Variants in IGSF3 observed in about 807,000 individuals in gnomAD.
The protein encoded by IGSF3 is glu-Trp-Ile EWI motif-containing protein 3.
Under a neutral mutation model 114.4 loss-of-function variants are expected in IGSF3, and 23 were observed. That is an observed-to-expected ratio of 0.20 (90% CI 0.14 to 0.28). IGSF3 has a LOEUF of 0.28. Ranked by LOEUF, IGSF3 falls within the 10% of genes least tolerant of loss-of-function variation. The pLI, the probability that IGSF3 is intolerant of heterozygous loss-of-function variation, is 1.00. For synonymous variants in IGSF3, 571 were observed against 645.2 expected, an observed-to-expected ratio of 0.88 and a Z score of 1.74; for missense variants, 1,172 against 1,591.5, an observed-to-expected ratio of 0.74 and a Z score of 4.48.
At chr1:116,623,214 T>A (rs1661474260) in intron 2 of IGSF3, among the ~76,000 whole-genome samples, 1 of 152,174 alleles carries the variant, frequency 6.6e-6, no homozygotes, top group Non-Finnish European at 1.5e-5. Context: ...ACCTTTCCAA[T>A]AAGGACAGCC....
In IGSF3 at chr1:116,650,467, C is replaced by T. The variant is rs948783268; in HGVS notation, c.43+15817G>A. On this transcript the variant is annotated intron_variant, in intron 2 of 10. Transcript: ENST00000369486. The surrounding 1 kb of genome is among the most constrained non-coding windows in gnomAD (Gnocchi z 5.0). Reference sequence around the variant, plus strand: ...CCTCAGTGGCCAAAACCATGTCACACGCCCATGTCTAAATTACGGGCCTCC... The same window carrying T: ...CCTCAGTGGCCAAAACCATGTCACATGCCCATGTCTAAATTACGGGCCTCC... Among the ~76,000 whole-genome samples, 7 of 152,214 alleles carry T rather than the reference C, an allele frequency of 4.6e-5. No individual in the cohort carries two copies. Among genetic ancestry groups the T allele is most frequent in the African/African-American group, 1.7e-4 (7 of 41,446 alleles).
intron 2 of IGSF3, among the ~76,000 whole-genome samples, chr1:116,631,155 A>G (rs1024465852): frequency 1.3e-5 from 2 of 151,674 alleles, no homozygotes; most frequent in African/African-American, 4.8e-5. Flanking sequence ...CGTCTCTACT[A>G]AAAATACAAA....
intron 6 of IGSF3, among the ~76,000 whole-genome samples, chr1:116,602,673 C>T (rs1048238053): frequency 2.6e-5 from 4 of 152,200 alleles, no homozygotes; most frequent in Non-Finnish European, 4.4e-5. Context: ...AAAGCACCAC[C>T]ATCCCAACCT....
At position 116,577,310 on chromosome 1, in the gene IGSF3, G is replaced by A. The variant is rs757425283; in HGVS notation, c.*2C>T. 54 of 1,613,350 alleles carry A rather than the reference G, an allele frequency of 3.3e-5. 1 individual carries two copies. The East Asian group carries it at 6.7e-4, about 20-fold the overall frequency. On this transcript the variant is annotated 3_prime_UTR_variant, in exon 11 of 11. Coordinates refer to ENST00000369486, the MANE Select transcript of IGSF3 (RefSeq NM_001007237.3). The surrounding 1 kb of genome is among the most constrained non-coding windows in gnomAD (Gnocchi z 5.7). ...GCCAACATCCGCTGGGGCATCACCC[G>A]CTTAGTCTATGGCCCCTGGATGGAT...
rs922078777 is a variant in IGSF3, at chr1:116,648,431, G to A, written c.43+17853C>T. Among the ~76,000 whole-genome samples the A allele has an allele frequency of 2.6e-5, 4 of 152,072 alleles. No individual in the cohort carries two copies. Among genetic ancestry groups the A allele is most frequent in the Admixed American group, 6.5e-5 (1 of 15,274 alleles). ...GGTGCCTCTCAAATGCCTTTCCCAC[G>A]TGTCTAACTCTGCTTTGTTTAAAGC... On this transcript the variant is annotated intron_variant, in intron 2 of 10. Transcript: ENST00000369486. The surrounding 1 kb of genome is among the most constrained non-coding windows in gnomAD (Gnocchi z 4.7).
intron 2 of IGSF3, among the ~76,000 whole-genome samples, chr1:116,626,252 T>C (rs1647260460): frequency 6.7e-6 from 1 of 149,422 alleles, no homozygotes. Flanking sequence ...TCTCCAGACT[T>C]AAAAAAAAAA....
In IGSF3 at chr1:116,615,504, C is replaced by T. The variant is rs1189746365; in HGVS notation, c.421+576G>A. ...CCTTTGACACTGGCAAACACTATGA[C>T]CAGTGCTGCCCACAATGGAAGCTCC... On this transcript the variant is annotated intron_variant, in intron 3 of 10. Transcript: ENST00000369486. The surrounding 1 kb of genome is among the most constrained non-coding windows in gnomAD (Gnocchi z 4.3). Among the ~76,000 whole-genome samples, 1 of 151,942 alleles carries T rather than the reference C, an allele frequency of 6.6e-6. No individual in the cohort carries two copies. Among genetic ancestry groups the T allele is most frequent in the Non-Finnish European group, 1.5e-5 (1 of 67,906 alleles).
chr1:116,619,748 A>C (rs1367099999), intron 2 of IGSF3, among the ~76,000 whole-genome samples: 3 of 151,910 alleles, frequency 2.0e-5, no homozygotes, highest in Non-Finnish European at 4.4e-5. Flanking sequence ...CCTACAATAG[A>C]AAGTTCCTCC....
In IGSF3 at chr1:116,588,151, G is replaced by A. The variant is rs1393848450; in HGVS notation, c.2440+543C>T. Among the ~76,000 whole-genome samples, 1 of 152,176 alleles carries A rather than the reference G, an allele frequency of 6.6e-6. No homozygotes were observed. Among genetic ancestry groups the A allele is most frequent in the African/African-American group, 2.4e-5 (1 of 41,432 alleles). ...CTGGAAGCATTCTGGCAGAGGTTGA[G>A]TGCCACCTGTGAGGGAGAGGAATAA... On this transcript the variant is annotated intron_variant, in intron 8 of 10. Coordinates refer to ENST00000369486, the MANE Select transcript of IGSF3 (RefSeq NM_001007237.3). The surrounding 1 kb of genome is among the most constrained non-coding windows in gnomAD (Gnocchi z 4.9).
chr1:116,598,675 G>C lies in IGSF3; in HGVS notation c.2029+1266C>G, dbSNP rs1260153475. Among the ~76,000 whole-genome samples, 17 of 152,178 alleles carry C rather than the reference G, an allele frequency of 1.1e-4. No individual in the cohort carries two copies. The highest frequency in any genetic ancestry group is 1.1e-3 in the Admixed American group (17 of 15,284). On this transcript the variant is annotated intron_variant, in intron 7 of 10. Coordinates refer to ENST00000369486, the MANE Select transcript of IGSF3 (RefSeq NM_001007237.3). This position sits in a 1 kb window ranked among gnomAD's most constrained non-coding sequence, Gnocchi z 4.3. Reference sequence around the variant, plus strand: ...GTGGGCAGAAAAATCCCTTTGGCAAGGCGTTCCAGCCATCTTTGCAAAGTC... The same window carrying C: ...GTGGGCAGAAAAATCCCTTTGGCAACGCGTTCCAGCCATCTTTGCAAAGTC...
At chr1:116,597,489 G>T (rs146712935) in intron 7 of IGSF3, among the ~76,000 whole-genome samples, 4 of 152,112 alleles carry the variant, frequency 2.6e-5, no homozygotes, top group African/African-American at 9.7e-5. Context: ...AGTCCTGCAC[G>T]GCCTCAAGCA....
At chr1:116,635,721 G>A (rs1647796511) in intron 2 of IGSF3, among the ~76,000 whole-genome samples, 2 of 152,222 alleles carry the variant, frequency 1.3e-5, no homozygotes, top group Admixed American at 6.5e-5. Flanking sequence ...AGAATCAAAT[G>A]AACAACATCT....
intron 5 of IGSF3, 122 bp from the exon 6 acceptor site, chr1:116,604,147 G>T (rs1313244456): frequency 1.1e-6 from 1 of 898,016 alleles, no homozygotes; most frequent in South Asian, 1.8e-5. Flanking sequence ...GCCTCAGAGG[G>T]TCAAAAACAC....
Position 116,579,404 on chromosome 1 carries a change from C to T in IGSF3, c.3322G>A (p.Val1108Ile), listed in dbSNP as rs979490438. 40 of 1,570,968 alleles carry T rather than the reference C, an allele frequency of 2.5e-5. No homozygotes were observed. The highest frequency in any genetic ancestry group is 3.3e-5 in the Non-Finnish European group (38 of 1,157,336). Residue 1108 changes from valine to isoleucine, a missense_variant, in exon 10 of 11, where the codon GTT becomes ATT. Physicochemically the swap from Val to Ile is conservative, Grantham distance 29 (BLOSUM62 3). Around this residue, in one of 3 missense-constraint regions of IGSF3, gnomAD observed 423 missense variants for 509.8 expected, o/e 0.83. Transcript: ENST00000369486. This position sits in a 1 kb window ranked among gnomAD's most constrained non-coding sequence, Gnocchi z 6.4. ...TTGGGAAACTCACTTGTATCTAGAA[C>T]ACGGATGCCGATGGGGGCTGACTCC... ...EEESAPIGIR[V>I]LDTSPTLQSI...
chr1:116,617,349 T>C lies in IGSF3; in HGVS notation c.44-892A>G, dbSNP rs533352654. ...TTTCACGCCAACTCAACACTGATTG[T>C]GCCTGAGCCACTCAGAAGGCGGGAG... On this transcript the variant is annotated intron_variant, in intron 2 of 10. Transcript: ENST00000369486. 308 of 985,424 alleles carry C rather than the reference T, an allele frequency of 3.1e-4. 2 individuals carry two copies. In the South Asian group the frequency reaches 0.013, roughly 42 times the overall value. The allele number at this position is 985,424 out of a possible 1,614,324, so 61.0% of individuals were successfully genotyped here. A position where few individuals can be genotyped will look rare whatever the true frequency, so the allele number is the denominator to read the frequency against.
intron 2 of IGSF3, among the ~76,000 whole-genome samples, chr1:116,630,374 C>T (rs1041677777): frequency 6.6e-6 from 1 of 152,238 alleles, no homozygotes; most frequent in Non-Finnish European, 1.5e-5. Context: ...GACTGAGTGC[C>T]TGCTGAATTC....
intron 2 of IGSF3, among the ~76,000 whole-genome samples, chr1:116,620,007 C>T: frequency 6.6e-6 from 1 of 151,624 alleles, no homozygotes; most frequent in South Asian, 2.1e-4. Flanking sequence ...AGTTTTATAA[C>T]TAGAAAAAAA....
In IGSF3 at chr1:116,583,872, C is replaced by T. The variant is rs1454323548; in HGVS notation, c.2848+773G>A. Among the ~76,000 whole-genome samples, 1 of 152,170 alleles carries T rather than the reference C, an allele frequency of 6.6e-6. No individual in the cohort carries two copies. The highest frequency in any genetic ancestry group is 1.5e-5 in the Non-Finnish European group (1 of 68,032). On this transcript the variant is annotated intron_variant, in intron 9 of 10. Coordinates refer to ENST00000369486, the MANE Select transcript of IGSF3 (RefSeq NM_001007237.3). This position sits in a 1 kb window ranked among gnomAD's most constrained non-coding sequence, Gnocchi z 4.5. The stretch of plus-strand genomic sequence containing the variant: ...AAGACAAGAAAAACAAAAGGCCACA[C>T]AGAATAGTTATTAGTACTAATAAAA...
intron 7 of IGSF3, 70 bp downstream of exon 7, chr1:116,599,869 GCA>G: frequency 7.2e-7 from 1 of 1,396,368 alleles, no homozygotes; most frequent in Admixed American, 1.9e-5. Context: ...AGGGCTCCAC[GCA>G]CACCTTTCTT....
Sources: gnomAD v4.1 joint callset for allele counts (sites outside exome capture counted in the v4.1 genomes callset) on GRCh38, gnomAD v4.1.1 for gene constraint, gnomAD v4.1.1 regional missense constraint, Gnocchi (gnomAD v3.1) non-coding constraint, MANE v1.5 for transcripts, NCBI Gene and HGNC (gene_info 2026-07-23, HGNC 2026-07-21) for gene names.